The following ZSCAN29 variants were observed in gnomAD, a reference collection of about 807,000 sequenced individuals.
The protein encoded by ZSCAN29 is zinc finger and SCAN domain-containing protein 29.
A neutral mutation model predicts 71.9 loss-of-function variants in ZSCAN29; 55 were observed. That is an observed-to-expected ratio of 0.76 (90% CI 0.62 to 0.96). The LOEUF is 0.96. Among genes scored for constraint, ZSCAN29 ranks in the 40% least tolerant of loss-of-function variants. The pLI is 0.00. For missense variants in ZSCAN29, 1,042 were observed against 1,042.2 expected (o/e 1.00, Z 0.00); for synonymous variants, 351 against 371.6 (o/e 0.94, Z 0.64).
rs1291819288 is a variant in ZSCAN29 at position 43,361,306 on chromosome 15, G to A, written c.2326C>T (p.His776Tyr). The A allele has an allele frequency of 2.5e-6, 4 of 1,614,072 alleles. No individual in the cohort carries two copies. Among genetic ancestry groups the A allele is most frequent in the Middle Eastern group, 1.7e-4 (1 of 6,060 alleles). ...ECGKSFNNSS[H>Y]FSAHRRIHTG... ...TGTATCCTCCGATGTGCACTAAAAT[G>A]AGAACTGTTATTGAAGCTTTTTCCA... Residue 776 changes from histidine to tyrosine, a missense_variant, in exon 6 of 6, where the codon CAT (histidine) becomes TAT (tyrosine). By Grantham distance (83) the His-to-Tyr change is moderately conservative. Coordinates refer to ENST00000684362, the MANE Select transcript of ZSCAN29 (RefSeq NM_001372080.1).
At chr15:43,367,390 C>G (rs944343539) in intron 3 of ZSCAN29, among the ~76,000 whole-genome samples, 1 of 152,222 alleles carries the variant, frequency 6.6e-6, no homozygotes, top group African/African-American at 2.4e-5. Flanking sequence ...ACCTTAGTGC[C>G]TACCATACCC....
chr15:43,365,131 T>G (rs2044023272), intron 4 of ZSCAN29, among the ~76,000 whole-genome samples: 1 of 152,046 alleles, frequency 6.6e-6, no homozygotes, highest in Admixed American at 6.6e-5. Flanking sequence ...AAAAGACCAC[T>G]GCTCACAAAG....
In ZSCAN29 at chr15:43,366,708, G is replaced by A; in HGVS notation, c.624C>T (p.Gly208=). ...LGSKEKELPS[G]SHIGDRRVHA... is the part of the protein sequence containing the mutation. ...GCACTCGTCTGTCTCCTATGTGGCT[G>A]CCACTTGGAAGTTCTTTCTCCTTAG... The change falls in exon 4 of 6, where the codon GGC becomes GGT. Residue 208 remains glycine, a synonymous_variant. Coordinates refer to ENST00000684362, the MANE Select transcript of ZSCAN29 (RefSeq NM_001372080.1). The A allele has an allele frequency of 6.2e-7, 1 of 1,614,190 alleles. No individual in the cohort carries two copies. Among genetic ancestry groups the A allele is most frequent in the Non-Finnish European group, 8.5e-7 (1 of 1,180,012 alleles).
rs1438400871 is a variant in ZSCAN29 at position 43,361,353 on chromosome 15, T to C, written c.2279A>G (p.Lys760Arg). The change falls in exon 6 of 6, where the codon AAG becomes AGG. Residue 760 changes from lysine (K) to arginine (R), a missense_variant. Coordinates refer to ENST00000684362, the MANE Select transcript of ZSCAN29 (RefSeq NM_001372080.1). ...IIHQRTHTGE[K>R]PYQCEECGKS... ...TCCACACTCTTCACATTGATAGGGC[T>C]TTTCTCCTGTGTGGGTTCTCTGGTG... is the stretch of plus-strand genomic sequence containing the variant. The C allele has an allele frequency of 6.2e-7, 1 of 1,614,212 alleles. No individual in the cohort carries two copies.
chr15:43,370,074 T>C, intron 1 of ZSCAN29, 49 bp from the exon 2 acceptor site: 1 of 763,514 alleles, frequency 1.3e-6, no homozygotes, highest in East Asian at 2.7e-5. Flanking sequence ...TTCATATGTC[T>C]AAAGTCTTGC....
intron 4 of ZSCAN29, among the ~76,000 whole-genome samples, chr15:43,365,032 TAAAG>T (rs1178971333): frequency 7.2e-6 from 1 of 138,458 alleles, no homozygotes; most frequent in Non-Finnish European, 1.6e-5. Flanking sequence ...ACAAGAAAAA[TAAAG>T]AGAAACGAAA....
chr15:43,363,784 G>T, intron 5 of ZSCAN29, 131 bp downstream of exon 5: 1 of 857,274 alleles, frequency 1.2e-6, no homozygotes, highest in Non-Finnish European at 1.8e-6. Flanking sequence ...TAATAGACAA[G>T]AAATATGGGT....
In ZSCAN29 at chr15:43,361,899, T is replaced by C. The variant is rs764178423; in HGVS notation, c.1733A>G (p.Asp578Gly). Residue 578 changes from aspartate to glycine, a missense_variant, in exon 6 of 6, where the codon GAT becomes GGT. Physicochemically the swap from Asp to Gly is moderately conservative, Grantham distance 94. Transcript: ENST00000684362. ...ATGCAGTTGTACTTCCTCAGAAATA[T>C]CCCGTTTTGAATTATCTTCATTCTC... is the stretch of plus-strand genomic sequence containing the variant. ...GFENEDNSKR[D>G]ISEEVQLHRT... 2.8e-5 allele frequency: 45 copies of C among 1,613,558 alleles called. No homozygotes were observed. Among genetic ancestry groups the C allele is most frequent in the East Asian group, 4.5e-5 (2 of 44,902 alleles).
chr15:43,358,432 G>A lies in ZSCAN29; in HGVS notation c.*2641C>T, dbSNP rs10865. On this transcript the variant is annotated 3_prime_UTR_variant, in exon 6 of 6. Transcript: ENST00000684362. ...GATCCTGAGGCACTGCTTCAGACTGGTGTTTCTTGTAGCTTCCTGTCTGCT... is the reference window on the plus strand; with the variant it reads ...GATCCTGAGGCACTGCTTCAGACTGATGTTTCTTGTAGCTTCCTGTCTGCT... 6.6e-6 allele frequency: 1 copy of A among 151,916 alleles called. No homozygotes were observed. Among genetic ancestry groups the A allele is most frequent in the East Asian group, 1.9e-4 (1 of 5,186 alleles). 9.4% of individuals were successfully genotyped at this position (151,916 alleles called of 1,614,324 possible).
chr15:43,367,076 C>A (rs1205839835), intron 3 of ZSCAN29, among the ~76,000 whole-genome samples: 2 of 152,202 alleles, frequency 1.3e-5, no homozygotes, highest in African/African-American at 4.8e-5. Context: ...CCAAGCTCTC[C>A]TATTTGTAGG....
In ZSCAN29 at chr15:43,361,291, G is replaced by A. The variant is rs774520763; in HGVS notation, c.2341C>T (p.Arg781Trp). Residue 781 changes from arginine to tryptophan, a missense_variant, in exon 6 of 6, where the codon CGG becomes TGG. Physicochemically the swap from Arg to Trp is moderately radical, Grantham distance 101. Transcript: ENST00000684362. ...FNNSSHFSAH[R>W]RIHTGERPHV... ...GGTCTCTCTCCTGTGTGTATCCTCC[G>A]ATGTGCACTAAAATGAGAACTGTTA... The A allele has an allele frequency of 2.0e-5, 33 of 1,613,894 alleles. No individual in the cohort carries two copies. Among genetic ancestry groups the A allele is most frequent in the Middle Eastern group, 1.6e-4 (1 of 6,084 alleles).
In ZSCAN29 at chr15:43,363,979, C is replaced by T; in HGVS notation, c.1626G>A (p.Glu542=). The T allele has an allele frequency of 1.9e-6, 3 of 1,614,124 alleles. No homozygotes were observed. The highest frequency in any genetic ancestry group is 1.7e-6 in the Non-Finnish European group (2 of 1,179,978). Residue 542 remains glutamate, a synonymous_variant, in exon 5 of 6, where the codon GAG becomes GAA. Transcript: ENST00000684362. The part of the protein sequence containing the change: ...ATEEDSDDDE[E]DTEIPPGAVI... ...CAGCCCCTGGGGGTATCTCAGTATC[C>T]TCTTCATCATCATCAGAATCTTCCT...
chr15:43,364,701 C>T (rs1197711547), intron 4 of ZSCAN29, among the ~76,000 whole-genome samples: 1 of 151,812 alleles, frequency 6.6e-6, no homozygotes. Flanking sequence ...GCCTGGACAA[C>T]ATGGTGAAAG....
chr15:43,362,812 T>C (rs551487231), intron 5 of ZSCAN29, among the ~76,000 whole-genome samples: 273 of 152,274 alleles, frequency 1.8e-3, no homozygotes, highest in African/African-American at 6.2e-3. Context: ...GTAGAATATA[T>C]TAATACCCCA....
At chr15:43,363,829 A>C (rs1386063150) in intron 5 of ZSCAN29, 86 bp downstream of exon 5, 11 of 1,304,128 alleles carry the variant, frequency 8.4e-6, no homozygotes, top group Non-Finnish European at 1.1e-5. Flanking sequence ...CTGGGTGTAG[A>C]GGCCAGTTCT....
chr15:43,368,033 G>C (rs1019849926), intron 3 of ZSCAN29, among the ~76,000 whole-genome samples: 8 of 152,186 alleles, frequency 5.3e-5, no homozygotes, highest in Non-Finnish European at 1.0e-4. Flanking sequence ...CAGAGTCCTG[G>C]AAGTTACCAG....
Position 43,369,962 on chromosome 15 carries a change from C to T in ZSCAN29, c.-49G>A, listed in dbSNP as rs1234622754. On this transcript the variant is annotated 5_prime_UTR_variant, in exon 2 of 6. Transcript: ENST00000684362. ...TCGCTTAGGAGTCTGGGTTCCAGGG[C>T]TTACATCTATCTTCCCATGTCCTTG... 12 of 1,524,312 alleles carry T rather than the reference C, an allele frequency of 7.9e-6. No homozygotes were observed. Among genetic ancestry groups the T allele is most frequent in the Non-Finnish European group, 1.1e-5 (12 of 1,135,728 alleles). The allele number at this position is 1,524,312 out of a possible 1,614,324, so 94.4% of individuals were successfully genotyped here.
In ZSCAN29 at chr15:43,369,555, A is replaced by T. The variant is rs372682658; in HGVS notation, c.318+41T>A. On this transcript the variant is annotated intron_variant, in intron 2 of 5. Transcript: ENST00000684362. ...TATATCTTAATTTAGCCCTCCACCC[A>T]GTATCACACTTTTGAATTTGAATTC... 2.0e-5 allele frequency: 32 copies of T among 1,576,314 alleles called. No homozygotes were observed. The African/African-American group carries it at 4.1e-4, about 20-fold the overall frequency.
chr15:43,369,075 G>A lies in ZSCAN29; in HGVS notation c.371C>T (p.Pro124Leu), dbSNP rs376557252. 11 of 1,603,526 alleles carry A rather than the reference G, an allele frequency of 6.9e-6. No individual in the cohort carries two copies. Among genetic ancestry groups the A allele is most frequent in the East Asian group, 2.2e-5 (1 of 44,470 alleles). The change falls in exon 3 of 6, where the codon CCG (proline) becomes CTG (leucine). Residue 124 changes from proline (P) to leucine (L), a missense_variant. Transcript: ENST00000684362. ...QEVRLEKMTP[P>L]KSSQELLSVR... ...ACTTAATAACTCTTGTGATGATTTC[G>A]GGGGTGTCATCTTCTCCAAGCGCAC...
Sources: gnomAD v4.1 joint callset for allele counts (sites outside exome capture counted in the v4.1 genomes callset) on GRCh38, gnomAD v4.1.1 for gene constraint, MANE v1.5 for transcripts, NCBI Gene and HGNC (gene_info 2026-07-23, HGNC 2026-07-21) for gene names.